Variants in FLRT2 observed in about 807,000 individuals in gnomAD.
FLRT2 encodes leucine-rich repeat transmembrane protein FLRT2.
In FLRT2, 15 loss-of-function variants were observed where a neutral mutation model predicts 40.0. That is an observed-to-expected ratio of 0.38 (90% confidence interval 0.25 to 0.58). The LOEUF (loss-of-function observed/expected upper bound fraction) is 0.58. Ranked by LOEUF, FLRT2 falls within the 20% of genes least tolerant of loss-of-function variation. FLRT2 has a pLI of 0.71. For missense variants in FLRT2, 726 were observed against 840.0 expected (o/e 0.86, Z 1.68); for synonymous variants, 380 against 336.8 (o/e 1.13, Z -1.41).
At chr14:85,568,800 T>C (rs1671906914) in intron 1 of FLRT2, among the ~76,000 whole-genome samples, 1 of 152,196 alleles carries the variant, frequency 6.6e-6, no homozygotes, top group South Asian at 2.1e-4. Flanking sequence ...AACCCAGTTT[T>C]ACTACGTGTA....
Position 85,639,055 on chromosome 14 carries a change from C to G in FLRT2, c.*15558C>G, listed in dbSNP as rs1237484270. 2 of 152,180 alleles carry G rather than the reference C, an allele frequency of 1.3e-5. No homozygotes were observed. The highest frequency in any genetic ancestry group is 4.8e-5 in the African/African-American group (2 of 41,446). 9.4% of individuals were successfully genotyped at this position (152,180 alleles called of 1,614,324 possible). ...TAGTGCATTAGGATAAGTGTCGTCT[C>G]TTGTAGATAGATAAAAACTAAACTG... is the stretch of plus-strand genomic sequence containing the variant. On this transcript the variant is annotated 3_prime_UTR_variant, in exon 2 of 2. Transcript: ENST00000330753.
At chr14:85,587,911 T>G (rs1369451187) in intron 1 of FLRT2, among the ~76,000 whole-genome samples, 1 of 151,728 alleles carries the variant, frequency 6.6e-6, no homozygotes, top group Non-Finnish European at 1.5e-5. Context: ...TCTGGGGGAC[T>G]GCTTTTATTT....
chr14:85,597,001 A>G (rs559766174), intron 1 of FLRT2, among the ~76,000 whole-genome samples: 1 of 152,288 alleles, frequency 6.6e-6, no homozygotes, highest in East Asian at 1.9e-4. Context: ...TGCCTTTATT[A>G]TATTTTATTG....
chr14:85,601,296 G>A (rs576540284), intron 1 of FLRT2, among the ~76,000 whole-genome samples: 35 of 152,326 alleles, frequency 2.3e-4, no homozygotes, highest in Non-Finnish European at 4.1e-4. Context: ...ATGGACTAGT[G>A]GACCATTGTT....
At chr14:85,589,685 A>T (rs1272271293) in intron 1 of FLRT2, among the ~76,000 whole-genome samples, 1 of 152,136 alleles carries the variant, frequency 6.6e-6, no homozygotes, top group Non-Finnish European at 1.5e-5. Flanking sequence ...ATTTTTGCCC[A>T]TACCAATGTC....
In FLRT2 at chr14:85,636,037, G is replaced by C. The variant is rs1343789365; in HGVS notation, c.*12540G>C. 1 of 152,140 alleles carries C rather than the reference G, an allele frequency of 6.6e-6. No homozygotes were observed. The highest frequency in any genetic ancestry group is 1.5e-5 in the Non-Finnish European group (1 of 67,960). The allele number at this position is 152,140 out of a possible 1,614,324, so 9.4% of individuals were successfully genotyped here. A position where few individuals can be genotyped will look rare whatever the true frequency, so the allele number is the denominator to read the frequency against. On this transcript the variant is annotated 3_prime_UTR_variant, in exon 2 of 2. Coordinates refer to ENST00000330753, the MANE Select transcript of FLRT2 (RefSeq NM_013231.6). ...GCTTGTAATTGTGTAATTGGAAAGT[G>C]GTCCTTGGGACTCAGATTAAGGTAT...
In FLRT2 at chr14:85,628,373, CA is replaced by C. The variant is rs1203517055; in HGVS notation, c.*4878del. On this transcript the variant is annotated 3_prime_UTR_variant, in exon 2 of 2. Transcript: ENST00000330753. ...CAGGCTGGTCTCAAACTCCTAGATG[CA>C]AGCAATCATCCCACCTCGATCACCC... 2.0e-5 allele frequency: 3 copies of C among 152,206 alleles called. No homozygotes were observed. Among genetic ancestry groups the C allele is most frequent in the African/African-American group, 7.2e-5 (3 of 41,532 alleles). The allele number at this position is 152,206 out of a possible 1,614,324, so 9.4% of individuals were successfully genotyped here.
intron 1 of FLRT2, among the ~76,000 whole-genome samples, chr14:85,543,166 G>A (rs1171729590): frequency 6.6e-6 from 1 of 152,138 alleles, no homozygotes; most frequent in Non-Finnish European, 1.5e-5. Context: ...TCCTGTTTTG[G>A]TGGAGATTCT....
Position 85,625,270 on chromosome 14 carries a change from G to C in FLRT2, c.*1773G>C, listed in dbSNP as rs144013503. ...TTTTACCATTGACCATTATTATAGG[G>C]ACCCATGAAGTAAATGTCACAATCA... On this transcript the variant is annotated 3_prime_UTR_variant, in exon 2 of 2. Transcript: ENST00000330753. 1 of 166,982 alleles carries C rather than the reference G, an allele frequency of 6.0e-6. No homozygotes were observed. 10.3% of individuals were successfully genotyped at this position (166,982 alleles called of 1,614,324 possible). A position where few individuals can be genotyped will look rare whatever the true frequency, so the allele number is the denominator to read the frequency against.
At chr14:85,605,093 C>A (rs1224761847) in intron 1 of FLRT2, among the ~76,000 whole-genome samples, 1 of 152,150 alleles carries the variant, frequency 6.6e-6, no homozygotes, top group Non-Finnish European at 1.5e-5. Flanking sequence ...GCGTTTTCAT[C>A]TTTTCTTTTA....
At chr14:85,575,309 G>A (rs1444072012) in intron 1 of FLRT2, among the ~76,000 whole-genome samples, 1 of 152,078 alleles carries the variant, frequency 6.6e-6, no homozygotes, top group Non-Finnish European at 1.5e-5. Context: ...GTCTGCAGGT[G>A]AGGACAGTTT....
rs1894200837 is a variant in FLRT2, at chr14:85,643,310, T to A, written c.*19813T>A. 1.0e-5 allele frequency: 1 copy of A among 98,240 alleles called. No individual in the cohort carries two copies. 6.1% of individuals were successfully genotyped at this position (98,240 alleles called of 1,614,324 possible). On this transcript the variant is annotated 3_prime_UTR_variant, in exon 2 of 2. Coordinates refer to ENST00000330753, the MANE Select transcript of FLRT2 (RefSeq NM_013231.6). ...TCTTTTTTTTCTTTCTTTCTTTCTT[T>A]CTTTCTTTCTTTCTTTCTTTCTTTC...
Position 85,621,390 on chromosome 14 carries a change from A to G in FLRT2, c.-125A>G. 1 of 804,762 alleles carries G rather than the reference A, an allele frequency of 1.2e-6. No homozygotes were observed. The highest frequency in any genetic ancestry group is 1.9e-6 in the Non-Finnish European group (1 of 521,132). The allele number at this position is 804,762 out of a possible 1,614,324, so 49.9% of individuals were successfully genotyped here. On this transcript the variant is annotated 5_prime_UTR_variant, in exon 2 of 2. Coordinates refer to ENST00000330753, the MANE Select transcript of FLRT2 (RefSeq NM_013231.6). ...GATTATTTTACCATACGCCCTCAGG[A>G]CGTTCCCTCTAGCTGGAGTTCTGGA...
chr14:85,645,142 A>G lies in FLRT2; in HGVS notation c.*21645A>G, dbSNP rs1894261296. ...CAGCAGAACTCCTACATCAAGTAAAAAGTATATATATACACACATATGTGT... is the reference window on the plus strand; with the variant it reads ...CAGCAGAACTCCTACATCAAGTAAAGAGTATATATATACACACATATGTGT... On this transcript the variant is annotated 3_prime_UTR_variant, in exon 2 of 2. Transcript: ENST00000330753. The G allele has an allele frequency of 7.2e-6, 1 of 139,842 alleles. No individual in the cohort carries two copies. The highest frequency in any genetic ancestry group is 1.6e-5 in the Non-Finnish European group (1 of 61,448). The allele number at this position is 139,842 out of a possible 1,614,324, so 8.7% of individuals were successfully genotyped here. A position where few individuals can be genotyped will look rare whatever the true frequency, so the allele number is the denominator to read the frequency against.
rs759376178 is a variant in FLRT2 at position 85,622,145 on chromosome 14, G to T, written c.631G>T (p.Val211Leu). The change falls in exon 2 of 2, where the codon GTG becomes TTG. Residue 211 changes from valine (V) to leucine (L), a missense_variant. By Grantham distance (32) the Val-to-Leu change is conservative. Coordinates refer to ENST00000330753, the MANE Select transcript of FLRT2 (RefSeq NM_013231.6). Reference sequence around the variant, plus strand: ...TCTCACGAGCTTGGAGCGTCTTATTGTGGACGGGAACCTCCTGACCAACAA... The same window carrying T: ...TCTCACGAGCTTGGAGCGTCTTATTTTGGACGGGAACCTCCTGACCAACAA... ...QNLTSLERLI[V>L]DGNLLTNKGI... 58 of 1,614,004 alleles carry T rather than the reference G, an allele frequency of 3.6e-5. No individual in the cohort carries two copies. The highest frequency in any genetic ancestry group is 4.9e-5 in the Non-Finnish European group (58 of 1,180,028).
Position 85,634,043 on chromosome 14 carries a change from T to C in FLRT2, c.*10546T>C, listed in dbSNP as rs1893945847. Reference sequence around the variant, plus strand: ...TTGCAATCGATATCATTATTAAGTTTGGAAGCTGGTTGTTATTAACAGGCA... The same window carrying C: ...TTGCAATCGATATCATTATTAAGTTCGGAAGCTGGTTGTTATTAACAGGCA... On this transcript the variant is annotated 3_prime_UTR_variant, in exon 2 of 2. Coordinates refer to ENST00000330753, the MANE Select transcript of FLRT2 (RefSeq NM_013231.6). The C allele has an allele frequency of 6.6e-6, 1 of 152,174 alleles. No homozygotes were observed. The highest frequency in any genetic ancestry group is 6.5e-5 in the Admixed American group (1 of 15,276). 9.4% of individuals were successfully genotyped at this position (152,174 alleles called of 1,614,324 possible).
rs1236424032 is a variant in FLRT2, at chr14:85,578,176, ATCTTTATATATATT to A, written c.-376-42961_-376-42948del. On this transcript the variant is annotated intron_variant, in intron 1 of 1. Transcript: ENST00000330753. Reference sequence around the variant, plus strand: ...TAAAAATATCTTTATATATAAAAATATCTTTATATATATTTATATATATTTATATATAAATATAC... The same window carrying A: ...TAAAAATATCTTTATATATAAAAATATATATATATTTATATATAAATATAC... Among the ~76,000 whole-genome samples the A allele has an allele frequency of 6.0e-4, 87 of 145,156 alleles. 1 individual carries two copies. The highest frequency in any genetic ancestry group is 4.6e-3 in the Admixed American group (66 of 14,492).
intron 1 of FLRT2, among the ~76,000 whole-genome samples, chr14:85,594,467 C>T (rs981012486): frequency 1.3e-5 from 2 of 152,098 alleles, no homozygotes; most frequent in African/African-American, 2.4e-5. Flanking sequence ...ACTCACATAC[C>T]CTAGGTGCGG....
chr14:85,544,311 G>T (rs1364804976), intron 1 of FLRT2, among the ~76,000 whole-genome samples: 1 of 152,184 alleles, frequency 6.6e-6, no homozygotes, highest in African/African-American at 2.4e-5. Context: ...TTCGCTTGAT[G>T]ATACACCTTT....
Sources: gnomAD v4.1 joint callset for allele counts (sites outside exome capture counted in the v4.1 genomes callset) on GRCh38, gnomAD v4.1.1 for gene constraint, MANE v1.5 for transcripts, NCBI Gene and HGNC (gene_info 2026-07-23, HGNC 2026-07-21) for gene names.